Variants in TACR3 observed in about 807,000 individuals in gnomAD.
TACR3 encodes tachykinin receptor 3.
TACR3 carries 34 observed loss-of-function variants against 35.0 expected under a neutral mutation model. The ratio of observed to expected loss-of-function variants is 0.97; its 90% CI spans 0.74 to 1.30. The LOEUF is 1.30. Ranked by LOEUF, TACR3 falls within the 50% of genes most tolerant of loss-of-function variation. The probability of loss-of-function intolerance (pLI) is 0.00; values close to 1 mark genes in which losing one functional copy is unlikely to be tolerated. For synonymous variants in TACR3, 233 were observed against 221.1 expected (o/e 1.05, Z -0.48); for missense variants, 558 against 591.7 (o/e 0.94, Z 0.59).
chr4:103,592,540 G>GA (rs1723917974), intron 3 of TACR3, among the ~76,000 whole-genome samples: 5 of 152,046 alleles, frequency 3.3e-5, no homozygotes, highest in Admixed American at 3.3e-4. Flanking sequence ...ATATATAGCT[G>GA]GAGATAAATA....
chr4:103,637,040 A>G (rs1192619478), intron 3 of TACR3, among the ~76,000 whole-genome samples: 1 of 152,168 alleles, frequency 6.6e-6, no homozygotes, highest in Non-Finnish European at 1.5e-5. Flanking sequence ...TCCTTCTGAA[A>G]CTATTCCAAT....
intron 3 of TACR3, among the ~76,000 whole-genome samples, chr4:103,647,646 T>C (rs1725490675): frequency 6.6e-6 from 1 of 151,304 alleles, no homozygotes; most frequent in African/African-American, 2.5e-5. Flanking sequence ...TTGAAATTAG[T>C]TGAATATACT....
intron 1 of TACR3, among the ~76,000 whole-genome samples, chr4:103,665,811 C>G (rs1725926589): frequency 6.6e-6 from 1 of 152,048 alleles, no homozygotes; most frequent in South Asian, 2.1e-4. Context: ...TTTAAAGTTC[C>G]CTCTGTCACT....
chr4:103,709,491 G>A (rs958120160), intron 1 of TACR3, among the ~76,000 whole-genome samples: 20 of 152,146 alleles, frequency 1.3e-4, no homozygotes, highest in African/African-American at 4.6e-4. Context: ...TGCCCTAAAA[G>A]AGCTCCTGAA....
intron 1 of TACR3, among the ~76,000 whole-genome samples, chr4:103,683,724 C>G (rs537193210): frequency 6.6e-6 from 1 of 151,774 alleles, no homozygotes; most frequent in Admixed American, 6.6e-5. Flanking sequence ...TGAATTATGT[C>G]AGATATTTAA....
intron 1 of TACR3, among the ~76,000 whole-genome samples, chr4:103,711,581 C>A (rs1338989432): frequency 6.6e-6 from 1 of 152,134 alleles, no homozygotes; most frequent in Non-Finnish European, 1.5e-5. Flanking sequence ...TGAAAACTGG[C>A]ACAAGACAGG....
rs564366509 is a variant in TACR3 at position 103,666,557 on chromosome 4, T to C, written c.549-8154A>G. Among the ~76,000 whole-genome samples, 7 of 152,252 alleles carry C rather than the reference T, an allele frequency of 4.6e-5. No homozygotes were observed. In the South Asian group the frequency reaches 1.5e-3, roughly 32 times the overall value. On this transcript the variant is annotated intron_variant, in intron 1 of 4. Coordinates refer to ENST00000304883, the MANE Select transcript of TACR3 (RefSeq NM_001059.3). ...GCATGAATGCTTAGGTACCATACACTCTAAGAACTTTATATATAACTCATT... is the reference window on the plus strand; with the variant it reads ...GCATGAATGCTTAGGTACCATACACCCTAAGAACTTTATATATAACTCATT...
intron 3 of TACR3, among the ~76,000 whole-genome samples, chr4:103,624,882 A>G (rs901955573): frequency 2.6e-5 from 4 of 152,184 alleles, no homozygotes; most frequent in African/African-American, 7.2e-5. Context: ...AGAGGGCTAC[A>G]GTTTGAATTG....
Position 103,589,523 on chromosome 4 carries a change from TCA to T in TACR3, c.*157_*158del. On this transcript the variant is annotated 3_prime_UTR_variant, in exon 5 of 5. Transcript: ENST00000304883. ...GGCTAACATGTTATTAGTGTCTTTG[TCA>T]CATTTATACACTACCTTTCTCAATT... 1 of 710,336 alleles carries T rather than the reference TCA, an allele frequency of 1.4e-6. No individual in the cohort carries two copies. The highest frequency in any genetic ancestry group is 2.3e-6 in the Non-Finnish European group (1 of 434,064). 44.0% of individuals were successfully genotyped at this position (710,336 alleles called of 1,614,324 possible). A position where few individuals can be genotyped will look rare whatever the true frequency, so the allele number is the denominator to read the frequency against.
intron 3 of TACR3, among the ~76,000 whole-genome samples, chr4:103,634,274 A>G (rs1244462645): frequency 6.6e-6 from 1 of 152,150 alleles, no homozygotes; most frequent in Non-Finnish European, 1.5e-5. Flanking sequence ...TGAATTAGAA[A>G]TAAAAACTTC....
intron 1 of TACR3, among the ~76,000 whole-genome samples, chr4:103,692,059 G>C (rs979419747): frequency 6.6e-6 from 1 of 152,144 alleles, no homozygotes; most frequent in South Asian, 2.1e-4. Flanking sequence ...CTGGGTTAGG[G>C]TCTCCTGGAC....
At chr4:103,633,177 C>T (rs1039741789) in intron 3 of TACR3, among the ~76,000 whole-genome samples, 8 of 151,948 alleles carry the variant, frequency 5.3e-5, no homozygotes, top group Admixed American at 1.3e-4. Context: ...CATCAGATAG[C>T]TAACTATAAT....
intron 1 of TACR3, among the ~76,000 whole-genome samples, chr4:103,659,552 T>C (rs1334332607): frequency 1.3e-5 from 2 of 152,190 alleles, no homozygotes; most frequent in African/African-American, 2.4e-5. Flanking sequence ...CAAGTTCGAT[T>C]GAGGCTATGC....
chr4:103,658,236 T>G lies in TACR3; in HGVS notation c.716A>C (p.Glu239Ala). 1 of 1,613,924 alleles carries G rather than the reference T, an allele frequency of 6.2e-7. No homozygotes were observed. Among genetic ancestry groups the G allele is most frequent in the Non-Finnish European group, 8.5e-7 (1 of 1,179,890 alleles). Residue 239 changes from glutamate (E) to alanine (A), a missense_variant, in exon 2 of 5, where the codon GAA (glutamate) becomes GCA (alanine). Physicochemically the swap from Glu to Ala is moderately radical, Grantham distance 107 (BLOSUM62 -1). Transcript: ENST00000304883. ...TTACGTGAAATGTTGTTTGGGACCT[T>G]CTGGCCATTGCACAAAGCAGAGAGT... ...GRTLCFVQWP[E>A]GPKQHFTYHI...
chr4:103,627,829 C>T (rs1342364595), intron 3 of TACR3, among the ~76,000 whole-genome samples: 2 of 152,162 alleles, frequency 1.3e-5, no homozygotes, highest in Non-Finnish European at 2.9e-5. Flanking sequence ...ACCCCCATAT[C>T]AACAGAATAT....
At chr4:103,679,551 G>A (rs1684632390) in intron 1 of TACR3, among the ~76,000 whole-genome samples, 1 of 151,960 alleles carries the variant, frequency 6.6e-6, no homozygotes, top group Non-Finnish European at 1.5e-5. Flanking sequence ...TATATGCATT[G>A]AAAAGACATC....
intron 1 of TACR3, among the ~76,000 whole-genome samples, chr4:103,671,024 C>T (rs775835627): frequency 1.3e-5 from 2 of 151,942 alleles, no homozygotes; most frequent in Non-Finnish European, 2.9e-5. Flanking sequence ...CATGACATGA[C>T]ATTGAATTTT....
intron 3 of TACR3, among the ~76,000 whole-genome samples, chr4:103,596,255 G>T (rs1476850724): frequency 6.6e-6 from 1 of 151,744 alleles, no homozygotes; most frequent in Non-Finnish European, 1.5e-5. Flanking sequence ...TAATCCTTTG[G>T]GTATATACCC....
At chr4:103,689,367 T>A (rs1054488229) in intron 1 of TACR3, among the ~76,000 whole-genome samples, 1 of 151,874 alleles carries the variant, frequency 6.6e-6, no homozygotes, top group Non-Finnish European at 1.5e-5. Flanking sequence ...AACCTGCACA[T>A]TGTGCACATG....
Sources: allele counts gnomAD v4.1 joint callset (sites outside exome capture counted in the v4.1 genomes callset), GRCh38; gene constraint gnomAD v4.1.1; transcripts MANE v1.5; gene names NCBI Gene and HGNC (gene_info 2026-07-23, HGNC 2026-07-21).